TUBGCP3: variants seen among roughly 807,000 people sequenced by gnomAD.
The protein encoded by TUBGCP3 is tubulin gamma complex component 3.
A neutral mutation model predicts 123.1 loss-of-function variants in TUBGCP3; 50 were observed. That is an observed-to-expected ratio of 0.41 (90% confidence interval 0.32 to 0.51). TUBGCP3 has a LOEUF of 0.51. Ranked by LOEUF, TUBGCP3 falls within the 20% of genes least tolerant of loss-of-function variation. The pLI is 0.36. For synonymous variants in TUBGCP3, 405 were observed against 413.9 expected (o/e 0.98, Z 0.26); for missense variants, 882 against 1,127.0 (o/e 0.78, Z 3.11).
intron 20 of TUBGCP3, among the ~76,000 whole-genome samples, chr13:112,490,714 C>T (rs192866981): frequency 2.3e-4 from 35 of 152,216 alleles, no homozygotes; most frequent in Non-Finnish European, 1.2e-4. Context: ...ATTTACAACC[C>T]AGATTTGTTT....
intron 5 of TUBGCP3, among the ~76,000 whole-genome samples, chr13:112,557,247 C>T (rs1170419852): frequency 6.6e-6 from 1 of 152,150 alleles, no homozygotes; most frequent in Non-Finnish European, 1.5e-5. Context: ...ATTCTTTTAG[C>T]TGGAACTTAA....
At chr13:112,491,183 C>T (rs1336810684) in intron 20 of TUBGCP3, among the ~76,000 whole-genome samples, 1 of 152,174 alleles carries the variant, frequency 6.6e-6, no homozygotes, top group Admixed American at 6.5e-5. Flanking sequence ...TGTCCTTTGG[C>T]TTTTTCTTTA....
intron 18 of TUBGCP3, 95 bp from the exon 19 acceptor site, chr13:112,504,258 C>A (rs1329328212): frequency 1.1e-5 from 16 of 1,483,282 alleles, no homozygotes; most frequent in Admixed American, 1.8e-5. Flanking sequence ...GAGGCCGAGG[C>A]GGGCAGATCA....
chr13:112,562,993 G>A (rs749474068), intron 3 of TUBGCP3, among the ~76,000 whole-genome samples: 1 of 152,032 alleles, frequency 6.6e-6, no homozygotes, highest in Non-Finnish European at 1.5e-5. Context: ...CCCTGCCCTC[G>A]AGGCCAGAGT....
chr13:112,523,667 A>G (rs75914644), intron 13 of TUBGCP3, among the ~76,000 whole-genome samples: 294 of 152,316 alleles, frequency 1.9e-3, no homozygotes, highest in African/African-American at 6.9e-3. Flanking sequence ...AGTCATTAAA[A>G]ATTTTCATTC....
the TUBGCP3 span, chr13:112,603,101 T>C: frequency 6.6e-6 from 1 of 152,190 alleles, no homozygotes; most frequent in African/African-American, 2.4e-5. Context: ...GCCTGCATTC[T>C]CAGCTAAGAA....
At chr13:112,515,908 A>G (rs1036900003) in intron 17 of TUBGCP3, among the ~76,000 whole-genome samples, 1 of 152,324 alleles carries the variant, frequency 6.6e-6, no homozygotes, top group African/African-American at 2.4e-5. Context: ...CTTTTCACCA[A>G]AGGATTAAAG....
chr13:112,561,988 A>T (rs1880543466), intron 3 of TUBGCP3, among the ~76,000 whole-genome samples: 1 of 152,312 alleles, frequency 6.6e-6, no homozygotes, highest in South Asian at 2.1e-4. Context: ...AAACCATTTG[A>T]TACGAAGGTG....
rs901055403 is a variant in TUBGCP3 at position 112,584,698 on chromosome 13, T to C, written c.76+3207A>G. ...CTGAACATTTATGATGAAATACTTATCTAATATAAATTCCTCTTTATGTAT... is the reference window on the plus strand; with the variant it reads ...CTGAACATTTATGATGAAATACTTACCTAATATAAATTCCTCTTTATGTAT... On this transcript the variant is annotated intron_variant, in intron 1 of 21. Coordinates refer to ENST00000261965, the MANE Select transcript of TUBGCP3 (RefSeq NM_006322.6). Among the ~76,000 whole-genome samples, 9 of 152,222 alleles carry C rather than the reference T, an allele frequency of 5.9e-5. No homozygotes were observed. The South Asian group carries it at 6.2e-4, about 10-fold the overall frequency.
upstream of TUBGCP3, among the ~76,000 whole-genome samples, chr13:112,590,370 T>C (rs1199047088): frequency 1.3e-5 from 2 of 152,134 alleles, no homozygotes; most frequent in South Asian, 4.1e-4. Flanking sequence ...TCGGAAACCT[T>C]CTCCAACTGT....
chr13:112,532,764 G>A (rs1397005534), intron 11 of TUBGCP3, among the ~76,000 whole-genome samples: 3 of 152,148 alleles, frequency 2.0e-5, no homozygotes, highest in African/African-American at 4.8e-5. Context: ...TTAATCATTC[G>A]GAATACCTTC....
chr13:112,538,935 G>A (rs1878282517), intron 11 of TUBGCP3, among the ~76,000 whole-genome samples: 1 of 152,036 alleles, frequency 6.6e-6, no homozygotes, highest in Admixed American at 6.5e-5. Context: ...CAAATTCTTA[G>A]GGTAAAGATG....
chr13:112,569,332 A>ACTGTCTTGAACTGG, intron 1 of TUBGCP3, 73 bp from the exon 2 acceptor site: 2 of 1,393,592 alleles, frequency 1.4e-6, no homozygotes, highest in Non-Finnish European at 2.0e-6. Context: ...CTTCCAGTTC[A>ACTGTCTTGAACTGG]AGACAGTGAA....
chr13:112,576,152 A>T (rs1881791666), intron 1 of TUBGCP3, among the ~76,000 whole-genome samples: 1 of 152,256 alleles, frequency 6.6e-6, no homozygotes, highest in Non-Finnish European at 1.5e-5. Flanking sequence ...TCATGGAATG[A>T]ACGTAATTCT....
Position 112,519,834 on chromosome 13 carries a change from C to T in TUBGCP3, c.1881+52G>A. 2.5e-6 allele frequency: 4 copies of T among 1,588,568 alleles called. No individual in the cohort carries two copies. The highest frequency in any genetic ancestry group is 2.6e-6 in the Non-Finnish European group (3 of 1,165,632). ...AAACACTCGCTAGAACACCCCGGCC[C>T]AGTGGGTCCTCGGTGCCGGGGCGGC... On this transcript the variant is annotated intron_variant, in intron 15 of 21. Transcript: ENST00000261965. The surrounding 1 kb of genome is among the most constrained non-coding windows in gnomAD (Gnocchi z 6.2).
intron 21 of TUBGCP3, among the ~76,000 whole-genome samples, chr13:112,487,079 G>C (rs1317880930): frequency 3.4e-5 from 5 of 148,026 alleles, no homozygotes; most frequent in African/African-American, 1.2e-4. Context: ...GTGTGTGTGT[G>C]TGTCTGTGTG....
chr13:112,577,389 C>A (rs544454148), intron 1 of TUBGCP3, among the ~76,000 whole-genome samples: 66 of 152,072 alleles, frequency 4.3e-4, no homozygotes, highest in Non-Finnish European at 8.4e-4. Flanking sequence ...AATATGTAGC[C>A]CCAGTCTAGT....
chr13:112,551,133 TAATC>T (rs767636176), intron 8 of TUBGCP3, among the ~76,000 whole-genome samples: 27 of 151,964 alleles, frequency 1.8e-4, no homozygotes, highest in Admixed American at 3.9e-4. Flanking sequence ...CCTGCTGAAA[TAATC>T]AAATCATTAT....
At chr13:112,494,527 C>T (rs1348860011) in intron 20 of TUBGCP3, among the ~76,000 whole-genome samples, 1 of 152,246 alleles carries the variant, frequency 6.6e-6, no homozygotes, top group Non-Finnish European at 1.5e-5. Flanking sequence ...ACAGTCTCTA[C>T]CTGTGGGCTT....
Sources: allele counts gnomAD v4.1 joint callset (sites outside exome capture counted in the v4.1 genomes callset), GRCh38; gene constraint gnomAD v4.1.1; non-coding constraint Gnocchi (gnomAD v3.1); transcripts MANE v1.5; gene names NCBI Gene and HGNC (gene_info 2026-07-23, HGNC 2026-07-21).